The following COLQ variants were observed in gnomAD, a reference collection of about 807,000 sequenced individuals.
COLQ encodes collagen like tail subunit of asymmetric acetylcholinesterase.
A neutral mutation model predicts 69.0 loss-of-function variants in COLQ; 48 were observed. The ratio of observed to expected loss-of-function variants is 0.70; its 90% confidence interval spans 0.55 to 0.88. The LOEUF is 0.88. Among genes scored for constraint, COLQ ranks in the 40% least tolerant of loss-of-function variants. The pLI is 0.00. For missense variants in COLQ, 618 were observed against 594.6 expected, an observed-to-expected ratio of 1.04 and a Z score of -0.41; for synonymous variants, 217 against 211.2, an observed-to-expected ratio of 1.03 and a Z score of -0.24.
intron 3 of COLQ, among the ~76,000 whole-genome samples, chr3:15,482,338 C>T (rs2062501293): frequency 6.6e-6 from 1 of 152,176 alleles, no homozygotes; most frequent in Non-Finnish European, 1.5e-5. Context: ...ATGATATTGG[C>T]TACGGGTTTG....
chr3:15,506,575 T>C (rs1214230688), intron 1 of COLQ: 1 of 152,226 alleles, frequency 6.6e-6, no homozygotes, highest in Non-Finnish European at 1.5e-5. Flanking sequence ...TAATATTCTA[T>C]TATACATATG....
chr3:15,497,036 CTTTTT>C (rs371974104), intron 1 of COLQ, among the ~76,000 whole-genome samples: 6 of 107,528 alleles, frequency 5.6e-5, no homozygotes, highest in Admixed American at 1.1e-4. Flanking sequence ...GTCCTTTTGC[CTTTTT>C]TTTTTTTTTT....
At chr3:15,471,449 A>G (rs2062285972) in intron 10 of COLQ, among the ~76,000 whole-genome samples, 1 of 152,114 alleles carries the variant, frequency 6.6e-6, no homozygotes, top group African/African-American at 2.4e-5. Flanking sequence ...TTCCAGCCCC[A>G]CTTACTATTT....
At chr3:15,483,199 T>C (rs1380196487) in intron 3 of COLQ, among the ~76,000 whole-genome samples, 1 of 152,228 alleles carries the variant, frequency 6.6e-6, no homozygotes, top group Non-Finnish European at 1.5e-5. Context: ...GGTTTTTTCG[T>C]GTCTCTATCT....
intron 10 of COLQ, among the ~76,000 whole-genome samples, chr3:15,472,790 T>A (rs13092264): frequency 0.41 from 62,385 of 152,102 alleles, 12,911 homozygotes; most frequent in East Asian, 0.5. Flanking sequence ...TATATACCAC[T>A]GTTTTGCTAT....
At chr3:15,521,373 G>A in intron 1 of COLQ, 147 bp downstream of exon 1, 2 of 1,039,248 alleles carry the variant, frequency 1.9e-6, no homozygotes, top group Admixed American at 2.0e-5. Flanking sequence ...CGGGTGACAG[G>A]AAGCTGCTGG....
At chr3:15,502,372 C>T (rs1376403569) in intron 1 of COLQ, among the ~76,000 whole-genome samples, 2 of 152,054 alleles carry the variant, frequency 1.3e-5, no homozygotes, top group African/African-American at 2.4e-5. Context: ...CCGCCTCAGC[C>T]TCCCAAAGTG....
At chr3:15,508,739 C>T (rs2062943496) in intron 1 of COLQ, among the ~76,000 whole-genome samples, 1 of 151,938 alleles carries the variant, frequency 6.6e-6, no homozygotes, top group African/African-American at 2.4e-5. Context: ...GATGTTACAC[C>T]TTTTGAATTT....
intron 1 of COLQ, among the ~76,000 whole-genome samples, chr3:15,497,446 T>C (rs1307427926): frequency 1.3e-5 from 2 of 152,186 alleles, no homozygotes; most frequent in Non-Finnish European, 2.9e-5. Context: ...TTACTGGAAA[T>C]AGCCATTTCC....
In COLQ at chr3:15,481,041, G is replaced by A. The variant is rs1575478445; in HGVS notation, c.322-1659C>T. The stretch of plus-strand genomic sequence containing the variant: ...TGATGGGGTTGTTTGATTTTTTCTT[G>A]TAAATTTGCTTAAGTTCTTTGTAGA... On this transcript the variant is annotated intron_variant, in intron 3 of 16. Transcript: ENST00000383788. 2.0e-5 allele frequency among the ~76,000 whole-genome samples: 3 copies of A among 152,236 alleles called. 1 individual carries two copies. The Middle Eastern group carries it at 0.01, about 518-fold the overall frequency.
chr3:15,453,109 G>A (rs145060696), intron 16 of COLQ, among the ~76,000 whole-genome samples: 3 of 152,340 alleles, frequency 2.0e-5, no homozygotes, highest in East Asian at 3.9e-4. Context: ...AAGGACTGGG[G>A]AGACATGTAC....
rs56053367 is a variant in COLQ at position 15,454,651 on chromosome 3, GTTTTTT to G, written c.1196-726_1196-721del. The stretch of plus-strand genomic sequence containing the variant: ...TGCCCTGTCATCCTTCCCCTGAACT[GTTTTTT>G]TTTTTTTTTTTTTTTTGAGACAGGG... On this transcript the variant is annotated intron_variant, in intron 15 of 16. Transcript: ENST00000383788. Among the ~76,000 whole-genome samples the G allele has an allele frequency of 5.9e-3, 692 of 118,106 alleles. 8 individuals carry two copies. Among genetic ancestry groups the G allele is most frequent in the African/African-American group, 0.022 (625 of 28,424 alleles). 77.5% of individuals were successfully genotyped at this position (118,106 alleles called of 152,430 possible). A position where few individuals can be genotyped will look rare whatever the true frequency, so the allele number is the denominator to read the frequency against.
At chr3:15,500,293 C>G in intron 1 of COLQ, among the ~76,000 whole-genome samples, 1 of 152,200 alleles carries the variant, frequency 6.6e-6, no homozygotes, top group East Asian at 1.9e-4. Flanking sequence ...AGTCCTCAGT[C>G]CTGAGTCCTA....
intron 12 of COLQ, among the ~76,000 whole-genome samples, chr3:15,462,186 G>A (rs2062129187): frequency 6.6e-6 from 1 of 151,974 alleles, no homozygotes; most frequent in South Asian, 2.1e-4. Flanking sequence ...CCGCTACCAT[G>A]CCCGGCTAAT....
rs755703073 is a variant in COLQ, at chr3:15,466,432, C to T, written c.723G>A (p.Gln241=). 1.2e-6 allele frequency: 2 copies of T among 1,613,818 alleles called. No individual in the cohort carries two copies. Among genetic ancestry groups the T allele is most frequent in the East Asian group, 4.5e-5 (2 of 44,904 alleles). Reference sequence around the variant, plus strand: ...GGCCCATAACTCCACTATCCCCTTTCTGTCCCTGACAGAGAGAAAGGCAGA... The same window carrying T: ...GGCCCATAACTCCACTATCCCCTTTTTGTCCCTGACAGAGAGAAAGGCAGA... ...GRPGKRGKQG[Q]KGDSGVMGPP... is the part of the protein sequence containing the mutation. Residue 241 remains glutamine, a synonymous_variant, in exon 12 of 17, where the codon CAG becomes CAA. Transcript: ENST00000383788.
chr3:15,470,586 T>C lies in COLQ; in HGVS notation c.667A>G (p.Ile223Val). 6 of 1,614,122 alleles carry C rather than the reference T, an allele frequency of 3.7e-6. No homozygotes were observed. The highest frequency in any genetic ancestry group is 1.1e-5 in the South Asian group (1 of 91,074). The change falls in exon 11 of 17, where the codon ATA (isoleucine) becomes GTA (valine). Residue 223 changes from isoleucine to valine, a missense_variant. Ile to Val is a conservative substitution (Grantham distance 29, BLOSUM62 3). Transcript: ENST00000383788. Reference protein sequence around the residue: ...GEMGPKGEPGIAGHRGPTGRP... With the variant: ...GEMGPKGEPGVAGHRGPTGRP... ...CCTGTGGGTCCTCGGTGTCCTGCTA[T>C]CCCAGGTTCACCTTTTGGACCCATT... is the stretch of plus-strand genomic sequence containing the variant.
chr3:15,484,000 T>C (rs2062534112), intron 3 of COLQ, among the ~76,000 whole-genome samples: 1 of 152,152 alleles, frequency 6.6e-6, no homozygotes, highest in African/African-American at 2.4e-5. Context: ...TCTTTGTTGG[T>C]TTAAAGTCTG....
chr3:15,501,948 A>G (rs186666557), intron 1 of COLQ, among the ~76,000 whole-genome samples: 3 of 152,326 alleles, frequency 2.0e-5, no homozygotes, highest in Admixed American at 2.0e-4. Flanking sequence ...CTATTGCAAT[A>G]GTCTTGGATA....
At chr3:15,453,570 C>T (rs756471076) in intron 16 of COLQ, among the ~76,000 whole-genome samples, 3 of 152,098 alleles carry the variant, frequency 2.0e-5, no homozygotes, top group Non-Finnish European at 4.4e-5. Flanking sequence ...GCTCAGAGAC[C>T]GCAGCTCCCC....
Sources: gnomAD v4.1 joint callset for allele counts (sites outside exome capture counted in the v4.1 genomes callset) on GRCh38, gnomAD v4.1.1 for gene constraint, MANE v1.5 for transcripts, NCBI Gene and HGNC (gene_info 2026-07-23, HGNC 2026-07-21) for gene names.